The following XNDC1N variants were observed in gnomAD, a reference collection of about 807,000 sequenced individuals.
The protein encoded by XNDC1N is XRCC1 N-terminal domain containing 1, N-terminal like, also known as protein XNDC1N.
the XNDC1N span, among the ~76,000 whole-genome samples, chr11:71,889,853 G>A: frequency 2.6e-5 from 4 of 152,138 alleles, no homozygotes; most frequent in Admixed American, 2.6e-4. Context: ...ACCTACTCTG[G>A]GTGGGAGGAG....
At chr11:71,920,263 G>T in the XNDC1N span, among the ~76,000 whole-genome samples, 7 of 151,186 alleles carry the variant, frequency 4.6e-5, no homozygotes, top group Non-Finnish European at 7.4e-5. Flanking sequence ...CGGCCCAAAA[G>T]CAGAGCTCTT....
At chr11:71,911,807 C>T in the XNDC1N span, among the ~76,000 whole-genome samples, 1 of 152,208 alleles carries the variant, frequency 6.6e-6, no homozygotes, top group Non-Finnish European at 1.5e-5. Context: ...CAGCGAGCTT[C>T]CATCTTGCTG....
chr11:71,912,345 G>A, the XNDC1N span, among the ~76,000 whole-genome samples: 573 of 152,044 alleles, frequency 3.8e-3, 4 homozygotes, highest in African/African-American at 0.013. Flanking sequence ...CTCCCCAAAC[G>A]TGGATGTTAG....
the XNDC1N span, among the ~76,000 whole-genome samples, chr11:71,881,831 A>G: frequency 1.3e-5 from 2 of 152,186 alleles, no homozygotes; most frequent in East Asian, 3.8e-4. Flanking sequence ...AAGAAAAAAG[A>G]ATTAAAAAGA....
chr11:71,919,613 T>TG, the XNDC1N span, among the ~76,000 whole-genome samples: 1,138 of 13,446 alleles, frequency 0.085, 18 homozygotes, highest in African/African-American at 0.12. Context: ...TGGTTTTTTT[T>TG]TTTGTTTGTT....
the XNDC1N span, among the ~76,000 whole-genome samples, chr11:71,890,360 G>A: frequency 6.6e-6 from 1 of 152,090 alleles, no homozygotes; most frequent in African/African-American, 2.4e-5. Context: ...CCCTGGATAT[G>A]ACGAACAATA....
the XNDC1N span, among the ~76,000 whole-genome samples, chr11:71,898,418 C>T: frequency 6.6e-6 from 1 of 151,882 alleles, no homozygotes; most frequent in South Asian, 2.1e-4. Flanking sequence ...AACAGCCTGG[C>T]CAATATGGTG....
chr11:71,921,079 G>A, the XNDC1N span, among the ~76,000 whole-genome samples: 1 of 151,930 alleles, frequency 6.6e-6, no homozygotes, highest in Non-Finnish European at 1.5e-5. Flanking sequence ...CAAATCCCTG[G>A]GAGGATCACT....
At chr11:71,884,314 G>A in the XNDC1N span, 2 of 1,343,816 alleles carry the variant, frequency 1.5e-6, no homozygotes, top group Non-Finnish European at 9.7e-7. Context: ...GGAAAGTTCT[G>A]TAATGCTTTT....
the XNDC1N span, among the ~76,000 whole-genome samples, chr11:71,869,462 T>A: frequency 6.6e-6 from 1 of 152,212 alleles, no homozygotes; most frequent in Admixed American, 6.5e-5. Flanking sequence ...CTGATGGGCA[T>A]TTGGGTTGGT....
the XNDC1N span, chr11:71,917,532 C>T: frequency 1.4e-6 from 1 of 703,574 alleles, no homozygotes; most frequent in South Asian, 1.5e-5. Flanking sequence ...CCACAGTCTA[C>T]ACCTAATAGC....
At chr11:71,904,077 G>T in the XNDC1N span, 159 of 521,714 alleles carry the variant, frequency 3.0e-4, no homozygotes, top group Middle Eastern at 2.6e-3. Flanking sequence ...TGAGAAACAG[G>T]GATATGAAAA....
the XNDC1N span, among the ~76,000 whole-genome samples, chr11:71,910,816 C>T: frequency 3.7e-3 from 569 of 152,222 alleles, 4 homozygotes; most frequent in African/African-American, 0.013. Context: ...ACTGTGGATC[C>T]CAAACTTTGC....
chr11:71,894,018 A>C, the XNDC1N span: 2 of 788,640 alleles, frequency 2.5e-6, no homozygotes, highest in African/African-American at 3.6e-5. Flanking sequence ...ACCCCTCTCA[A>C]CTTCTCAAAC....
At chr11:71,883,389 A>G in the XNDC1N span, among the ~76,000 whole-genome samples, 4 of 152,366 alleles carry the variant, frequency 2.6e-5, no homozygotes, top group East Asian at 7.7e-4. Flanking sequence ...GGATAAAGAT[A>G]GACATATAGG....
At chr11:71,878,918 T>C in the XNDC1N span, among the ~76,000 whole-genome samples, 1 of 152,170 alleles carries the variant, frequency 6.6e-6, no homozygotes, top group Non-Finnish European at 1.5e-5. Context: ...GAGGATCGCT[T>C]GAGCCTGAGA....
the XNDC1N span, among the ~76,000 whole-genome samples, chr11:71,883,950 C>T: frequency 4.6e-5 from 7 of 152,164 alleles, no homozygotes; most frequent in African/African-American, 1.4e-4. Context: ...TCCACTTTTC[C>T]ACCACCATAT....
the XNDC1N span, among the ~76,000 whole-genome samples, chr11:71,887,510 C>T: frequency 3.6e-4 from 55 of 152,036 alleles, 2 homozygotes; most frequent in East Asian, 9.6e-3. Context: ...GAGAGAAGAC[C>T]AGCTCTGGCT....
the XNDC1N span, among the ~76,000 whole-genome samples, chr11:71,895,495 T>C: frequency 1.4e-5 from 2 of 140,678 alleles, no homozygotes; most frequent in African/African-American, 2.9e-5. Flanking sequence ...TTTTTTTTTT[T>C]TTTGTATTGT....
Sources: gnomAD v4.1 joint callset for allele counts (sites outside exome capture counted in the v4.1 genomes callset) on GRCh38, gnomAD v4.1.1 for gene constraint, MANE v1.5 for transcripts, NCBI Gene and HGNC (gene_info 2026-07-23, HGNC 2026-07-21) for gene names.